The following OSBPL6 variants were observed in gnomAD, a reference collection of about 807,000 sequenced individuals.
The protein encoded by OSBPL6 is oxysterol binding protein like 6, also known as oxysterol-binding protein-related protein 6.
OSBPL6 carries 49 observed loss-of-function variants against 125.8 expected under a neutral mutation model. The observed-to-expected ratio is 0.39, with a 90% CI of 0.31 to 0.49. The LOEUF (loss-of-function observed/expected upper bound fraction) is 0.49, where lower values mean the gene tolerates loss of function less well. Ranked by LOEUF, OSBPL6 falls within the 20% of genes least tolerant of loss-of-function variation. The pLI is 0.88. For missense variants in OSBPL6, 986 were observed against 1,135.4 expected, an observed-to-expected ratio of 0.87 and a Z score of 1.89; for synonymous variants, 394 against 391.8, an observed-to-expected ratio of 1.01 and a Z score of -0.07.
intron 3 of OSBPL6, chr2:178,320,487 G>A (rs2154070418): frequency 7.2e-7 from 1 of 1,397,670 alleles, no homozygotes; most frequent in Non-Finnish European, 9.9e-7. Flanking sequence ...CATTTGAGAG[G>A]AAACTTGATT....
rs374273261 is a variant in OSBPL6 at position 178,367,912 on chromosome 2, T to C, written c.1288-4214T>C. ...GTCCTGTATGCCACTAATAGCGATG[T>C]TATTGCTGACAAGTCTCCATAGCTC... On this transcript the variant is annotated intron_variant, in intron 13 of 24. Coordinates refer to ENST00000190611, the MANE Select transcript of OSBPL6 (RefSeq NM_032523.4). Among the ~76,000 whole-genome samples the C allele has an allele frequency of 7.9e-5, 12 of 152,294 alleles. No homozygotes were observed. In the East Asian group the frequency reaches 1.7e-3, roughly 22 times the overall value.
intron 13 of OSBPL6, among the ~76,000 whole-genome samples, chr2:178,371,672 A>G (rs906773875): frequency 1.3e-5 from 2 of 152,196 alleles, no homozygotes; most frequent in African/African-American, 4.8e-5. Flanking sequence ...AAGCCAGTTC[A>G]TTCTATTTCT....
chr2:178,295,634 T>C (rs1300370918), intron 2 of OSBPL6, among the ~76,000 whole-genome samples: 1 of 152,176 alleles, frequency 6.6e-6, no homozygotes. Flanking sequence ...TGGAATCTGA[T>C]ACACTTTGCA....
chr2:178,195,503 C>T (rs1184050194), intron 1 of OSBPL6, among the ~76,000 whole-genome samples: 1 of 152,252 alleles, frequency 6.6e-6, no homozygotes, highest in African/African-American at 2.4e-5. Context: ...CCCAAAGCTT[C>T]TGCTGCGTAT....
intron 1 of OSBPL6, among the ~76,000 whole-genome samples, chr2:178,266,677 C>T (rs190342921): frequency 7.0e-4 from 106 of 152,340 alleles, no homozygotes; most frequent in African/African-American, 2.5e-3. Flanking sequence ...AGTCTCTTCA[C>T]TCCAGTGATA....
intron 2 of OSBPL6, among the ~76,000 whole-genome samples, chr2:178,293,115 T>C (rs935658711): frequency 6.6e-6 from 1 of 152,150 alleles, no homozygotes; most frequent in African/African-American, 2.4e-5. Flanking sequence ...GTAAAGGGTG[T>C]ATGGGAACTT....
intron 1 of OSBPL6, among the ~76,000 whole-genome samples, chr2:178,204,331 A>G (rs1042430922): frequency 1.3e-5 from 2 of 152,052 alleles, no homozygotes; most frequent in Non-Finnish European, 1.5e-5. Flanking sequence ...GCCTCACTGA[A>G]TTCTTGATGG....
At chr2:178,300,641 A>G (rs894698778) in intron 2 of OSBPL6, among the ~76,000 whole-genome samples, 3 of 152,180 alleles carry the variant, frequency 2.0e-5, no homozygotes, top group African/African-American at 7.2e-5. Context: ...GTGTAGTTTT[A>G]GTAGAGACAG....
chr2:178,251,350 T>A (rs1359475012), intron 1 of OSBPL6, among the ~76,000 whole-genome samples: 5 of 152,044 alleles, frequency 3.3e-5, no homozygotes, highest in Non-Finnish European at 7.4e-5. Context: ...TAGCAACGGT[T>A]ACTATGGTTC....
At chr2:178,197,651 G>C (rs78473997) in intron 1 of OSBPL6, among the ~76,000 whole-genome samples, 48 of 152,176 alleles carry the variant, frequency 3.2e-4, no homozygotes, top group African/African-American at 1.1e-3. Flanking sequence ...ACACTATACT[G>C]TAATAAAAAG....
At chr2:178,359,768 C>T (rs900438014) in intron 12 of OSBPL6, among the ~76,000 whole-genome samples, 1 of 152,136 alleles carries the variant, frequency 6.6e-6, no homozygotes, top group Non-Finnish European at 1.5e-5. Flanking sequence ...CATGGATGGG[C>T]CTGAAGGACA....
At chr2:178,258,763 T>C (rs1273106052) in intron 1 of OSBPL6, among the ~76,000 whole-genome samples, 1 of 149,058 alleles carries the variant, frequency 6.7e-6, no homozygotes, top group African/African-American at 2.5e-5. Flanking sequence ...GTTTTGACTT[T>C]TTTTTTTTTC....
chr2:178,387,451 C>T (rs1301010082), intron 20 of OSBPL6, among the ~76,000 whole-genome samples: 1 of 152,182 alleles, frequency 6.6e-6, no homozygotes, highest in African/African-American at 2.4e-5. Flanking sequence ...CTTTGCTATA[C>T]AATTCAGTTT....
At chr2:178,196,023 T>G (rs1022074444) in intron 1 of OSBPL6, among the ~76,000 whole-genome samples, 1 of 151,654 alleles carries the variant, frequency 6.6e-6, no homozygotes, top group African/African-American at 2.4e-5. Context: ...CCCCGCTTTA[T>G]TTTTTGGAAA....
intron 10 of OSBPL6, 96 bp downstream of exon 10, chr2:178,339,190 T>C: frequency 1.5e-6 from 1 of 657,514 alleles, no homozygotes. Flanking sequence ...CATTTAAAGA[T>C]AAATAACTGC....
intron 9 of OSBPL6, among the ~76,000 whole-genome samples, chr2:178,337,538 C>G (rs1379868948): frequency 6.6e-6 from 1 of 152,192 alleles, no homozygotes; most frequent in Non-Finnish European, 1.5e-5. Flanking sequence ...GGTGAAGGCT[C>G]TAGCAGGGTG....
At chr2:178,298,695 C>CTTTTTTT (rs796165404) in intron 2 of OSBPL6, among the ~76,000 whole-genome samples, 1 of 141,664 alleles carries the variant, frequency 7.1e-6, no homozygotes, top group African/African-American at 2.7e-5. Flanking sequence ...TTTTTAGTTG[C>CTTTTTTT]TTTTTTTTTT....
chr2:178,351,481 T>C (rs781758694), intron 12 of OSBPL6, among the ~76,000 whole-genome samples: 1 of 152,178 alleles, frequency 6.6e-6, no homozygotes, highest in Non-Finnish European at 1.5e-5. Context: ...AGATCTATCC[T>C]ATTTATGATA....
intron 1 of OSBPL6, among the ~76,000 whole-genome samples, chr2:178,267,331 G>A (rs184012358): frequency 2.5e-4 from 36 of 144,402 alleles, no homozygotes; most frequent in South Asian, 4.5e-4. Flanking sequence ...TCCAGCCTGG[G>A]TGACAGAGTG....
Sources: allele counts gnomAD v4.1 joint callset (sites outside exome capture counted in the v4.1 genomes callset), GRCh38; gene constraint gnomAD v4.1.1; transcripts MANE v1.5; gene names NCBI Gene and HGNC (gene_info 2026-07-23, HGNC 2026-07-21).